OXSR1: variants seen among roughly 807,000 people sequenced by gnomAD.
The protein encoded by OXSR1 is oxidative stress responsive kinase 1, also known as serine/threonine-protein kinase OSR1.
Under a neutral mutation model 79.8 loss-of-function variants are expected in OXSR1, and 24 were observed. That is an observed-to-expected ratio of 0.30 (90% confidence interval 0.22 to 0.42). The LOEUF is 0.42. OXSR1 is among the 10% of genes least tolerant of loss of function. The pLI, the probability that OXSR1 is intolerant of heterozygous loss-of-function variation, is 1.00. For missense variants in OXSR1, 430 were observed against 618.4 expected, an observed-to-expected ratio of 0.70 and a Z score of 3.23; for synonymous variants, 226 against 209.2, an observed-to-expected ratio of 1.08 and a Z score of -0.69.
intron 5 of OXSR1, among the ~76,000 whole-genome samples, chr3:38,217,522 T>C (rs933199953): frequency 6.6e-6 from 1 of 152,060 alleles, no homozygotes; most frequent in African/African-American, 2.4e-5. Flanking sequence ...GGTTTTTGTT[T>C]GTTTGTTTGT....
Position 38,253,104 on chromosome 3 carries a change from G to A in OXSR1, c.*213G>A, listed in dbSNP as rs1004071741. On this transcript the variant is annotated 3_prime_UTR_variant, in exon 18 of 18. Transcript: ENST00000311806. Reference sequence around the variant, plus strand: ...TAGTGGCCAGCATCCCCAGAGTTCCGTTAGTAAACTTACTTCATATGTCCC... The same window carrying A: ...TAGTGGCCAGCATCCCCAGAGTTCCATTAGTAAACTTACTTCATATGTCCC... The A allele has an allele frequency of 2.5e-5, 14 of 562,840 alleles. No homozygotes were observed. The highest frequency in any genetic ancestry group is 3.8e-5 in the African/African-American group (2 of 52,496). The allele number at this position is 562,840 out of a possible 1,614,324, so 34.9% of individuals were successfully genotyped here.
At position 38,246,215 on chromosome 3, in the gene OXSR1, A is replaced by T. The variant is rs779977563; in HGVS notation, c.1251A>T (p.Thr417=). 2 of 1,613,734 alleles carry T rather than the reference A, an allele frequency of 1.2e-6. No individual in the cohort carries two copies. Among genetic ancestry groups the T allele is most frequent in the Non-Finnish European group, 1.7e-6 (2 of 1,179,758 alleles). ...CACCCACCGCAGAGCCAGCAAAAAC[A>T]GCTCAGGTAAAGCCGGGGATATGGT... ...SLPPTAEPAK[T]AQALSSGSGS... Residue 417 remains threonine, a synonymous_variant, in exon 13 of 18, where the codon ACA becomes ACT. Transcript: ENST00000311806.
At chr3:38,238,977 A>T (rs1276651295) in intron 11 of OXSR1, among the ~76,000 whole-genome samples, 2 of 151,938 alleles carry the variant, frequency 1.3e-5, no homozygotes, top group Non-Finnish European at 2.9e-5. Flanking sequence ...ATTTTTTTAA[A>T]ATTCTTTTTT....
At chr3:38,184,275 G>C (rs1559503374) in intron 2 of OXSR1, among the ~76,000 whole-genome samples, 1 of 152,150 alleles carries the variant, frequency 6.6e-6, no homozygotes, top group Non-Finnish European at 1.5e-5. Context: ...TATTTCTTTA[G>C]GAATTGGTAA....
intron 15 of OXSR1, among the ~76,000 whole-genome samples, chr3:38,250,670 T>C (rs1703237947): frequency 6.6e-6 from 1 of 152,218 alleles, no homozygotes; most frequent in Admixed American, 6.5e-5. Flanking sequence ...GCTGTCTCAC[T>C]ATCATGAGCA....
Position 38,208,959 on chromosome 3 carries a change from AGTGTGT to A in OXSR1, c.435-7115_435-7110del, listed in dbSNP as rs144109114. ...TATTCTAAGAGTAACCCAGTTAAGG[AGTGTGT>A]GTGTGTGTGTGTGTGTGTGTGCGCG... On this transcript the variant is annotated intron_variant, in intron 4 of 17. Transcript: ENST00000311806. Among the ~76,000 whole-genome samples, 145 of 146,974 alleles carry A rather than the reference AGTGTGT, an allele frequency of 9.9e-4. 1 individual carries two copies. In the Middle Eastern group the frequency reaches 0.029, roughly 29 times the overall value.
At chr3:38,252,734 C>G in intron 17 of OXSR1, 83 bp from the exon 18 acceptor site, 7 of 1,083,420 alleles carry the variant, frequency 6.5e-6, no homozygotes, top group Non-Finnish European at 1.0e-5. Context: ...TGCCTACCTT[C>G]CCACTATCCC....
chr3:38,231,842 C>T (rs1459644006), intron 10 of OXSR1, among the ~76,000 whole-genome samples: 1 of 152,144 alleles, frequency 6.6e-6, no homozygotes, highest in Non-Finnish European at 1.5e-5. Flanking sequence ...TGCAGTGGCT[C>T]ATGCCTGTAA....
chr3:38,237,750 C>T (rs1472764184), intron 11 of OXSR1, among the ~76,000 whole-genome samples: 1 of 152,082 alleles, frequency 6.6e-6, no homozygotes, highest in Non-Finnish European at 1.5e-5. Context: ...TGGCAAAAAT[C>T]GATTAAGCTC....
At chr3:38,228,953 T>C (rs1006606047) in intron 8 of OXSR1, among the ~76,000 whole-genome samples, 1 of 152,190 alleles carries the variant, frequency 6.6e-6, no homozygotes, top group African/African-American at 2.4e-5. Flanking sequence ...CAAGTAATAC[T>C]GAACCTTAGA....
In OXSR1 at chr3:38,203,914, C is replaced by T. The variant is rs535441920; in HGVS notation, c.434+5051C>T. 4.5e-3 allele frequency among the ~76,000 whole-genome samples: 686 copies of T among 152,304 alleles called. 3 individuals carry two copies. The highest frequency in any genetic ancestry group is 6.8e-3 in the Non-Finnish European group (464 of 68,026). ...AAAGCCAGCCAGGCCTGTGTTCCTC[C>T]TTTCATGGCAGTCATTTTACCCCAC... On this transcript the variant is annotated intron_variant, in intron 4 of 17. Transcript: ENST00000311806.
At chr3:38,209,633 C>CTTTTT (rs36124151) in intron 4 of OXSR1, among the ~76,000 whole-genome samples, 31 of 132,224 alleles carry the variant, frequency 2.3e-4, no homozygotes, top group African/African-American at 8.9e-4. Context: ...ATCAATTATA[C>CTTTTT]TTTTTTTTTT....
rs182842546 is a variant in OXSR1 at position 38,240,022 on chromosome 3, C to T, written c.1075-2721C>T. 5.3e-3 allele frequency among the ~76,000 whole-genome samples: 800 copies of T among 152,210 alleles called. 8 individuals carry two copies. Among genetic ancestry groups the T allele is most frequent in the Non-Finnish European group, 5.5e-3 (372 of 68,012 alleles). ...TTTGCAGAGGTGGGGTTGTTTCAGGCAGAAAGATAAATCTGGTCCCTGTTT... is the reference window on the plus strand; with the variant it reads ...TTTGCAGAGGTGGGGTTGTTTCAGGTAGAAAGATAAATCTGGTCCCTGTTT... On this transcript the variant is annotated intron_variant, in intron 11 of 17. Coordinates refer to ENST00000311806, the MANE Select transcript of OXSR1 (RefSeq NM_005109.3).
chr3:38,165,432 G>C, upstream of OXSR1: 1 of 184,344 alleles, frequency 5.4e-6, no homozygotes, highest in South Asian at 1.0e-4. Flanking sequence ...TTTACATCCA[G>C]CCACACTGGA....
intron 5 of OXSR1, among the ~76,000 whole-genome samples, 160 bp downstream of exon 5, chr3:38,216,311 A>G (rs1441985464): frequency 6.6e-6 from 1 of 152,078 alleles, no homozygotes; most frequent in Non-Finnish European, 1.5e-5. Context: ...CTCTCAAGAT[A>G]TCTTCTCATA....
chr3:38,220,375 T>C (rs981157182), intron 5 of OXSR1, among the ~76,000 whole-genome samples: 1 of 152,178 alleles, frequency 6.6e-6, no homozygotes, highest in African/African-American at 2.4e-5. Flanking sequence ...ATTTCTATTT[T>C]ATAATTCTGT....
At position 38,253,860 on chromosome 3, in the gene OXSR1, G is replaced by A. The variant is rs36086192; in HGVS notation, c.*969G>A. 5 of 253,296 alleles carry A rather than the reference G, an allele frequency of 2.0e-5. No individual in the cohort carries two copies. In the East Asian group the frequency reaches 3.4e-4, roughly 17 times the overall value. The allele number at this position is 253,296 out of a possible 1,614,324, so 15.7% of individuals were successfully genotyped here. ...GACACACACTGGGCCAGAGAGGCCT[G>A]CCTTCTGCCTGCTCTCCTGCACTGA... On this transcript the variant is annotated 3_prime_UTR_variant, in exon 18 of 18. Coordinates refer to ENST00000311806, the MANE Select transcript of OXSR1 (RefSeq NM_005109.3).
intron 2 of OXSR1, among the ~76,000 whole-genome samples, chr3:38,185,471 A>T (rs1701867530): frequency 6.6e-6 from 1 of 152,114 alleles, no homozygotes. Flanking sequence ...CTGTAATTCC[A>T]GTTACTCAGG....
In OXSR1 at chr3:38,167,949, TA is replaced by T. The variant is rs34732153; in HGVS notation, c.70+2004del. Among the ~76,000 whole-genome samples, 231 of 152,004 alleles carry T rather than the reference TA, an allele frequency of 1.5e-3. 7 individuals carry two copies. In the East Asian group the frequency reaches 0.037, roughly 25 times the overall value. The stretch of plus-strand genomic sequence containing the variant: ...CTTTCTAGGGTGAAGAGGATGGTTG[TA>T]GTCATTCTCAAAGCCTTTGCTGTTA... On this transcript the variant is annotated intron_variant, in intron 1 of 17. Coordinates refer to ENST00000311806, the MANE Select transcript of OXSR1 (RefSeq NM_005109.3).
Sources: gnomAD v4.1 joint callset for allele counts (sites outside exome capture counted in the v4.1 genomes callset) on GRCh38, gnomAD v4.1.1 for gene constraint, MANE v1.5 for transcripts, NCBI Gene and HGNC (gene_info 2026-07-23, HGNC 2026-07-21) for gene names.